Variants in UPP2 observed in about 807,000 individuals in gnomAD.
UPP2 encodes uridine phosphorylase 2, also known as UPase 2.
Under a neutral mutation model 26.7 loss-of-function variants are expected in UPP2, and 23 were observed. The observed-to-expected ratio is 0.86, with a 90% CI of 0.62 to 1.22. The LOEUF (loss-of-function observed/expected upper bound fraction) is 1.22. Ranked by LOEUF, UPP2 falls within the 50% of genes most tolerant of loss-of-function variation. The probability of loss-of-function intolerance (pLI) is 0.00; values close to 1 mark genes in which losing one functional copy is unlikely to be tolerated. For missense variants in UPP2, 387 were observed against 396.7 expected, an observed-to-expected ratio of 0.98 and a Z score of 0.21; for synonymous variants, 127 against 141.3, an observed-to-expected ratio of 0.90 and a Z score of 0.72.
At chr2:158,104,024 G>A (rs563381109) in intron 1 of UPP2, among the ~76,000 whole-genome samples, 1 of 152,256 alleles carries the variant, frequency 6.6e-6, no homozygotes, top group African/African-American at 2.4e-5. Flanking sequence ...TTTTTGAGAA[G>A]GAAATTAATA....
At chr2:158,074,537 C>T (rs1682595989) in intron 3 of UPP2, among the ~76,000 whole-genome samples, 1 of 151,852 alleles carries the variant, frequency 6.6e-6, no homozygotes, top group Non-Finnish European at 1.5e-5. Context: ...GGTTATATGA[C>T]AGTATTTACA....
At chr2:158,126,965 A>C (rs1683706854) in intron 6 of UPP2, among the ~76,000 whole-genome samples, 2 of 152,324 alleles carry the variant, frequency 1.3e-5, no homozygotes, top group African/African-American at 4.8e-5. Flanking sequence ...AATTCATACT[A>C]AGGTGATGGC....
At chr2:158,006,142 C>A (rs1683483264) in intron 2 of UPP2, among the ~76,000 whole-genome samples, 1 of 152,168 alleles carries the variant, frequency 6.6e-6, no homozygotes, top group African/African-American at 2.4e-5. Context: ...TTATTTAATT[C>A]TTCAAGAGCA....
chr2:158,092,173 G>T (rs1682921968), intron 3 of UPP2, among the ~76,000 whole-genome samples: 2 of 152,260 alleles, frequency 1.3e-5, no homozygotes, highest in African/African-American at 4.8e-5. Flanking sequence ...GGTGCCAGAA[G>T]AAGATAACCT....
intron 3 of UPP2, among the ~76,000 whole-genome samples, chr2:158,021,012 G>T (rs958805561): frequency 2.0e-5 from 3 of 152,144 alleles, no homozygotes; most frequent in African/African-American, 4.8e-5. Flanking sequence ...CTCTACTCTA[G>T]GATGGTCTCA....
chr2:158,095,051 G>A, intron 3 of UPP2, among the ~76,000 whole-genome samples: 1 of 152,178 alleles, frequency 6.6e-6, no homozygotes, highest in East Asian at 1.9e-4. Flanking sequence ...GAGCCTCTCA[G>A]CCCTCATACC....
chr2:158,098,842 G>A (rs1683028012), upstream of UPP2, among the ~76,000 whole-genome samples: 1 of 152,152 alleles, frequency 6.6e-6, no homozygotes, highest in South Asian at 2.1e-4. Context: ...AGAAAGACTG[G>A]ATAGCTAATA....
At chr2:158,049,027 T>G (rs1158239772) in intron 3 of UPP2, among the ~76,000 whole-genome samples, 1 of 152,200 alleles carries the variant, frequency 6.6e-6, no homozygotes, top group Non-Finnish European at 1.5e-5. Flanking sequence ...GTGTGAGCCC[T>G]GACAATTTAG....
chr2:158,094,561 C>T (rs1682958590), intron 3 of UPP2, among the ~76,000 whole-genome samples: 1 of 152,106 alleles, frequency 6.6e-6, no homozygotes, highest in Admixed American at 6.5e-5. Flanking sequence ...TTTTCTACTT[C>T]CTTAGAAAAA....
intron 1 of UPP2, among the ~76,000 whole-genome samples, chr2:158,104,637 A>T (rs992489787): frequency 2.0e-5 from 3 of 152,048 alleles, no homozygotes; most frequent in Non-Finnish European, 4.4e-5. Context: ...AGCCATGTGG[A>T]AAGGCTAGGC....
rs1683784488 is a variant in UPP2 at position 158,023,260 on chromosome 2, C to T, written c.147+7374C>T. 2.0e-5 allele frequency among the ~76,000 whole-genome samples: 3 copies of T among 149,042 alleles called. No individual in the cohort carries two copies. In the South Asian group the frequency reaches 6.5e-4, roughly 32 times the overall value. ...GGGGGCATTTGGAAGGCTTTCAGTC[C>T]AGTGCTGCTTTACCCCCAATGTAGA... On this transcript the variant is annotated intron_variant, in intron 3 of 9. Coordinates refer to the UPP2 transcript ENST00000605860.
At chr2:158,078,235 A>G (rs925603322) in intron 3 of UPP2, among the ~76,000 whole-genome samples, 1 of 152,140 alleles carries the variant, frequency 6.6e-6, no homozygotes, top group African/African-American at 2.4e-5. Flanking sequence ...TTCCTCAGAA[A>G]ACAGTAAAAT....
chr2:158,096,838 T>A (rs1055709015), intron 3 of UPP2, among the ~76,000 whole-genome samples: 4 of 152,014 alleles, frequency 2.6e-5, no homozygotes, highest in African/African-American at 9.7e-5. Flanking sequence ...ACCAAAACTA[T>A]TTTTTTATCA....
intron 3 of UPP2, among the ~76,000 whole-genome samples, chr2:158,021,897 A>T (rs1156906971): frequency 6.6e-6 from 1 of 152,220 alleles, no homozygotes; most frequent in Non-Finnish European, 1.5e-5. Flanking sequence ...AATTGAAATT[A>T]GATGAGATCA....
At chr2:158,118,786 G>A (rs551331380) in intron 4 of UPP2, among the ~76,000 whole-genome samples, 1 of 152,126 alleles carries the variant, frequency 6.6e-6, no homozygotes, top group Non-Finnish European at 1.5e-5. Flanking sequence ...GGAGCAAAAA[G>A]GGATGTCAGA....
At chr2:158,064,314 T>C (rs1400845597) in intron 3 of UPP2, among the ~76,000 whole-genome samples, 1 of 152,224 alleles carries the variant, frequency 6.6e-6, no homozygotes, top group African/African-American at 2.4e-5. Flanking sequence ...GGTATCTCAT[T>C]GTGGTTTTGA....
intron 3 of UPP2, among the ~76,000 whole-genome samples, chr2:158,079,241 A>G (rs994905468): frequency 6.6e-6 from 1 of 152,112 alleles, no homozygotes; most frequent in Non-Finnish European, 1.5e-5. Flanking sequence ...GGACTAACAC[A>G]TACCCCATAA....
chr2:158,087,815 C>T (rs929200550), intron 3 of UPP2, among the ~76,000 whole-genome samples: 1 of 152,094 alleles, frequency 6.6e-6, no homozygotes, highest in Admixed American at 6.6e-5. Flanking sequence ...GATAGGTCTC[C>T]AGTCCCTTCT....
chr2:158,030,501 G>T (rs1683906720), intron 3 of UPP2, among the ~76,000 whole-genome samples: 1 of 152,090 alleles, frequency 6.6e-6, no homozygotes, highest in Non-Finnish European at 1.5e-5. Flanking sequence ...TAAGTTTGTG[G>T]CAACAGACTC....
Sources: gnomAD v4.1 joint callset for allele counts (sites outside exome capture counted in the v4.1 genomes callset) on GRCh38, gnomAD v4.1.1 for gene constraint, MANE v1.5 for transcripts, NCBI Gene and HGNC (gene_info 2026-07-23, HGNC 2026-07-21) for gene names.